Variants in USH2A observed in about 807,000 individuals in gnomAD.
USH2A encodes the protein usherin.
A neutral mutation model predicts 538.9 loss-of-function variants in USH2A; 443 were observed. That is an observed-to-expected ratio of 0.82 (90% CI 0.76 to 0.89). The LOEUF (loss-of-function observed/expected upper bound fraction) is 0.89. Among genes scored for constraint, USH2A ranks in the 40% least tolerant of loss-of-function variants. The pLI, the probability that USH2A is intolerant of heterozygous loss-of-function variation, is 0.00. For missense variants in USH2A, 6,633 were observed against 6,324.8 expected (o/e 1.05, Z -1.65); for synonymous variants, 2,413 against 2,273.5 (o/e 1.06, Z -1.75).
intron 69 of USH2A, among the ~76,000 whole-genome samples, chr1:215,635,936 T>C (rs543374943): frequency 1.4e-4 from 21 of 150,278 alleles, no homozygotes; most frequent in African/African-American, 5.2e-4. Context: ...AGTGAAATTA[T>C]GTTGTCAGCT....
intron 11 of USH2A, among the ~76,000 whole-genome samples, chr1:216,256,311 TTC>T: frequency 7.0e-6 from 1 of 143,854 alleles, no homozygotes; most frequent in South Asian, 2.2e-4. Context: ...TGCTTGGGAT[TTC>T]TTTTTTCCTT....
At chr1:216,217,241 A>G in intron 15 of USH2A, 146 bp downstream of exon 15, 1 of 885,798 alleles carries the variant, frequency 1.1e-6, no homozygotes, top group Non-Finnish European at 1.8e-6. Context: ...TATTTCATTC[A>G]GTGTATTTTT....
intron 32 of USH2A, among the ~76,000 whole-genome samples, chr1:216,019,177 A>T (rs1164235128): frequency 1.3e-5 from 2 of 151,888 alleles, no homozygotes; most frequent in African/African-American, 4.8e-5. Flanking sequence ...TAAATTGAAA[A>T]TTGCTTAGGT....
intron 33 of USH2A, among the ~76,000 whole-genome samples, chr1:215,999,789 AT>A (rs1668223104): frequency 6.6e-6 from 1 of 152,114 alleles, no homozygotes. Flanking sequence ...GAATCATAAT[AT>A]TTTTCGGCTT....
intron 9 of USH2A, among the ~76,000 whole-genome samples, chr1:216,304,001 G>A (rs2037266920): frequency 6.6e-6 from 1 of 151,810 alleles, no homozygotes; most frequent in South Asian, 2.1e-4. Flanking sequence ...AGTAGCATGA[G>A]TATTTACATA....
In USH2A at chr1:216,190,218, C is replaced by G. The variant is rs1436078367; in HGVS notation, c.4396+5G>C. The G allele has an allele frequency of 6.2e-7, 1 of 1,611,826 alleles. No homozygotes were observed. Among genetic ancestry groups the G allele is most frequent in the African/African-American group, 1.3e-5 (1 of 74,758 alleles). On this transcript the variant is annotated splice_donor_5th_base_variant and intron_variant, in intron 20 of 71. Coordinates refer to ENST00000307340, the MANE Select transcript of USH2A (RefSeq NM_206933.4). Reference sequence around the variant, plus strand: ...GATTTTTCATATCCATTAAAACTTGCTTACCTGCTGCTAAAGTTTGTCCTG... The same window carrying G: ...GATTTTTCATATCCATTAAAACTTGGTTACCTGCTGCTAAAGTTTGTCCTG...
intron 4 of USH2A, among the ~76,000 whole-genome samples, chr1:216,332,614 G>C (rs1160258653): frequency 1.3e-5 from 2 of 152,126 alleles, no homozygotes; most frequent in African/African-American, 4.8e-5. Flanking sequence ...AACTGCCTCA[G>C]TGTTGATGGC....
chr1:216,362,980 A>G (rs948927240), intron 4 of USH2A, among the ~76,000 whole-genome samples: 3 of 151,236 alleles, frequency 2.0e-5, no homozygotes, highest in Non-Finnish European at 2.9e-5. Flanking sequence ...ATTATTATTT[A>G]CTGATATAGT....
intron 32 of USH2A, 143 bp downstream of exon 32, chr1:216,046,288 G>T: frequency 1.2e-6 from 1 of 828,336 alleles, no homozygotes; most frequent in Non-Finnish European, 1.9e-6. Flanking sequence ...TAATTGTTCT[G>T]TTGTTATTTT....
intron 21 of USH2A, among the ~76,000 whole-genome samples, chr1:216,128,466 C>G (rs1370243883): frequency 6.6e-6 from 1 of 152,050 alleles, no homozygotes; most frequent in Admixed American, 6.6e-5. Context: ...TAATGCCTTT[C>G]ATATGATTAC....
intron 30 of USH2A, among the ~76,000 whole-genome samples, chr1:216,049,738 A>T (rs551586760): frequency 6.6e-6 from 1 of 152,304 alleles, no homozygotes; most frequent in East Asian, 1.9e-4. Flanking sequence ...GAATTAAAAG[A>T]TCAACAAGCC....
intron 8 of USH2A, among the ~76,000 whole-genome samples, chr1:216,323,081 T>C (rs1186164787): frequency 6.6e-6 from 1 of 151,914 alleles, no homozygotes; most frequent in Non-Finnish European, 1.5e-5. Flanking sequence ...GGTGCTATAG[T>C]TACAACTCCA....
At chr1:216,147,282 C>T (rs1214705540) in intron 21 of USH2A, among the ~76,000 whole-genome samples, 3 of 152,068 alleles carry the variant, frequency 2.0e-5, no homozygotes, top group Non-Finnish European at 4.4e-5. Flanking sequence ...GCTCCTCCAC[C>T]CTATAATCTT....
intron 4 of USH2A, among the ~76,000 whole-genome samples, chr1:216,354,110 T>C (rs1450531387): frequency 6.6e-6 from 1 of 152,112 alleles, no homozygotes; most frequent in African/African-American, 2.4e-5. Flanking sequence ...TCCACAGATA[T>C]CTGAAACCAG....
rs1668241649 is a variant in USH2A at position 216,000,431 on chromosome 1, C to T, written c.6457G>A (p.Val2153Ile). The T allele has an allele frequency of 1.2e-6, 2 of 1,613,638 alleles. No homozygotes were observed. The highest frequency in any genetic ancestry group is 8.5e-7 in the Non-Finnish European group (1 of 1,179,714). The change falls in exon 33 of 72, where the codon GTC (valine) becomes ATC (isoleucine). Residue 2153 changes from valine to isoleucine, a missense_variant. By Grantham distance (29) the Val-to-Ile change is conservative. Transcript: ENST00000307340. ...ATGTGTATAGTTCTAGAATCCAGGA[C>T]AGTCAGAACTGGGGAATCCACGTGT... Reference protein sequence around the residue: ...PEHVDSPVLTVLDSRTIHIQW... With the variant: ...PEHVDSPVLTILDSRTIHIQW...
intron 58 of USH2A, among the ~76,000 whole-genome samples, chr1:215,757,204 C>T (rs1381631827): frequency 2.0e-5 from 3 of 152,158 alleles, no homozygotes; most frequent in African/African-American, 4.8e-5. Flanking sequence ...AAATCATGTA[C>T]ATTTAATATC....
intron 44 of USH2A, among the ~76,000 whole-genome samples, chr1:215,859,973 G>A (rs1008011596): frequency 6.6e-6 from 1 of 152,196 alleles, no homozygotes; most frequent in African/African-American, 2.4e-5. Context: ...ATGGCTTGGT[G>A]TCTTGCTCTG....
intron 14 of USH2A, among the ~76,000 whole-genome samples, chr1:216,231,248 AT>A (rs1214250403): frequency 1.5e-4 from 8 of 54,584 alleles, no homozygotes; most frequent in East Asian, 8.6e-4. Context: ...ATATATATAT[AT>A]TATATATATA....
intron 55 of USH2A, among the ~76,000 whole-genome samples, chr1:215,771,792 C>T (rs538174547): frequency 6.6e-6 from 1 of 152,012 alleles, no homozygotes; most frequent in Non-Finnish European, 1.5e-5. Context: ...AGTTTTCTGG[C>T]TTCTAGGTTC....
Sources: gnomAD v4.1 joint callset for allele counts (sites outside exome capture counted in the v4.1 genomes callset) on GRCh38, gnomAD v4.1.1 for gene constraint, MANE v1.5 for transcripts, NCBI Gene and HGNC (gene_info 2026-07-23, HGNC 2026-07-21) for gene names.